The following MCTP1 variants were observed in gnomAD, a reference collection of about 807,000 sequenced individuals.
MCTP1 encodes multiple C2 and transmembrane domain containing 1.
A neutral mutation model predicts 120.6 loss-of-function variants in MCTP1; 69 were observed. The observed-to-expected ratio is 0.57, with a 90% CI of 0.47 to 0.70. The LOEUF is 0.70. Among genes scored for constraint, MCTP1 ranks in the 30% least tolerant of loss-of-function variants. The pLI is 0.00. For synonymous variants in MCTP1, 529 were observed against 493.1 expected, an observed-to-expected ratio of 1.07 and a Z score of -0.96; for missense variants, 1,203 against 1,248.8, an observed-to-expected ratio of 0.96 and a Z score of 0.55.
intron 18 of MCTP1, among the ~76,000 whole-genome samples, chr5:94,787,625 T>G (rs536220311): frequency 1.3e-5 from 2 of 151,808 alleles, no homozygotes; most frequent in East Asian, 1.9e-4. Context: ...TTTTTTTGTT[T>G]TTTTTTTTTG....
chr5:95,040,016 T>A (rs936198286), intron 1 of MCTP1, among the ~76,000 whole-genome samples: 8 of 152,146 alleles, frequency 5.3e-5, no homozygotes, highest in Non-Finnish European at 8.8e-5. Flanking sequence ...ACTATAAGAT[T>A]GTCAAATGTT....
At chr5:94,804,936 T>C (rs1002117543) in intron 17 of MCTP1, among the ~76,000 whole-genome samples, 4 of 152,158 alleles carry the variant, frequency 2.6e-5, no homozygotes, top group Non-Finnish European at 4.4e-5. Flanking sequence ...GTTAAAAGCT[T>C]TACTAATAAT....
At chr5:94,850,067 T>A (rs1793343097) in intron 17 of MCTP1, among the ~76,000 whole-genome samples, 1 of 152,194 alleles carries the variant, frequency 6.6e-6, no homozygotes, top group African/African-American at 2.4e-5. Flanking sequence ...GCTTTTGTAA[T>A]CTTTGCTACA....
At chr5:95,007,371 G>T (rs62364698) in intron 2 of MCTP1, among the ~76,000 whole-genome samples, 6 of 152,014 alleles carry the variant, frequency 3.9e-5, no homozygotes, top group African/African-American at 1.4e-4. Context: ...ATAGCAAACC[G>T]TGAGCACATG....
chr5:95,226,450 A>C (rs1754279248), intron 1 of MCTP1, among the ~76,000 whole-genome samples: 1 of 152,206 alleles, frequency 6.6e-6, no homozygotes, highest in African/African-American at 2.4e-5. Context: ...AGTATGAAGA[A>C]TCTCTGTGTG....
chr5:95,121,777 T>G (rs1758257942), intron 1 of MCTP1, among the ~76,000 whole-genome samples: 1 of 151,798 alleles, frequency 6.6e-6, no homozygotes, highest in African/African-American at 2.4e-5. Context: ...GGTACTGGCA[T>G]AAAAAGAGAC....
chr5:95,046,291 T>G (rs1267084779), intron 1 of MCTP1, among the ~76,000 whole-genome samples: 1 of 152,180 alleles, frequency 6.6e-6, no homozygotes, highest in South Asian at 2.1e-4. Context: ...CTTTAGAAAA[T>G]ACACAGAAAC....
intron 1 of MCTP1, among the ~76,000 whole-genome samples, chr5:95,082,799 T>C (rs1428764680): frequency 6.6e-6 from 1 of 152,168 alleles, no homozygotes; most frequent in South Asian, 2.1e-4. Flanking sequence ...TAGCCACACA[T>C]GGCTAGTGGC....
chr5:94,906,497 C>T (rs575001046), intron 10 of MCTP1, among the ~76,000 whole-genome samples: 4 of 151,978 alleles, frequency 2.6e-5, no homozygotes, highest in African/African-American at 9.6e-5. Context: ...AAAACAAAAA[C>T]AAGAATGGAA....
intron 1 of MCTP1, among the ~76,000 whole-genome samples, chr5:95,220,532 A>C (rs2152607534): frequency 6.6e-6 from 1 of 152,322 alleles, no homozygotes; most frequent in African/African-American, 2.4e-5. Flanking sequence ...ACAATAATTA[A>C]GACTTTGATG....
At chr5:94,774,838 T>TAA (rs1774944085) in intron 19 of MCTP1, among the ~76,000 whole-genome samples, 1 of 152,236 alleles carries the variant, frequency 6.6e-6, no homozygotes, top group Admixed American at 6.5e-5. Flanking sequence ...TCCAAAGCCT[T>TAA]AATCTTTTTC....
rs201154139 is a variant in MCTP1, at chr5:94,845,535, T to C, written c.2436+22798A>G. The stretch of plus-strand genomic sequence containing the variant: ...AAGTGGGCAAAGGACATGAACATTT[T>C]TTTTTGTTTTTTTGTTTGTTTGTTT... On this transcript the variant is annotated intron_variant, in intron 17 of 22. Transcript: ENST00000515393. Among the ~76,000 whole-genome samples the C allele has an allele frequency of 7.0e-3, 1,069 of 152,104 alleles. 29 individuals carry two copies. In the East Asian group the frequency reaches 0.081, roughly 11 times the overall value.
intron 1 of MCTP1, among the ~76,000 whole-genome samples, chr5:95,274,178 C>T (rs553906161): frequency 7.9e-4 from 121 of 152,312 alleles, no homozygotes; most frequent in African/African-American, 2.5e-3. Context: ...CTTTCAGTCC[C>T]GCTACTGACT....
At chr5:94,770,419 A>T (rs1440173045) in intron 19 of MCTP1, among the ~76,000 whole-genome samples, 2 of 152,170 alleles carry the variant, frequency 1.3e-5, no homozygotes, top group African/African-American at 2.4e-5. Context: ...CATTTGATTG[A>T]CTCTTAAATG....
At chr5:94,858,967 T>A (rs1487307948) in intron 17 of MCTP1, among the ~76,000 whole-genome samples, 2 of 151,732 alleles carry the variant, frequency 1.3e-5, no homozygotes, top group African/African-American at 4.8e-5. Context: ...TTCTATGTCA[T>A]GATCTATGAC....
chr5:94,831,315 T>C (rs981222052), intron 17 of MCTP1, among the ~76,000 whole-genome samples: 2 of 152,238 alleles, frequency 1.3e-5, no homozygotes, highest in African/African-American at 2.4e-5. Context: ...AATGGGCCTA[T>C]AGATTATGTT....
At chr5:95,280,502 T>C (rs1462356405) in intron 1 of MCTP1, among the ~76,000 whole-genome samples, 3 of 152,202 alleles carry the variant, frequency 2.0e-5, no homozygotes, top group African/African-American at 7.2e-5. Context: ...TAGTAACTCG[T>C]CAAGGCAGAA....
At chr5:94,898,435 G>A (rs1804662904) in intron 10 of MCTP1, among the ~76,000 whole-genome samples, 1 of 152,214 alleles carries the variant, frequency 6.6e-6, no homozygotes, top group African/African-American at 2.4e-5. Context: ...GTTGGCTGAG[G>A]AAAAAGCATT....
chr5:94,742,577 C>T (rs1343163728), intron 19 of MCTP1, among the ~76,000 whole-genome samples: 2 of 152,108 alleles, frequency 1.3e-5, no homozygotes, highest in Admixed American at 1.3e-4. Context: ...CTAATGATCC[C>T]AATTACTGCC....
Sources: allele counts gnomAD v4.1 joint callset (sites outside exome capture counted in the v4.1 genomes callset), GRCh38; gene constraint gnomAD v4.1.1; transcripts MANE v1.5; gene names NCBI Gene and HGNC (gene_info 2026-07-23, HGNC 2026-07-21).